The following ANKHD1 variants were observed in gnomAD, a reference collection of about 807,000 sequenced individuals.
The protein encoded by ANKHD1 is ankyrin repeat and KH domain-containing protein 1.
A neutral mutation model predicts 230.5 loss-of-function variants in ANKHD1; 31 were observed. The ratio of observed to expected loss-of-function variants is 0.13; its 90% confidence interval spans 0.10 to 0.18. The LOEUF (loss-of-function observed/expected upper bound fraction) is 0.18, where lower values mean the gene tolerates loss of function less well. Among genes scored for constraint, ANKHD1 ranks in the 10% least tolerant of loss-of-function variants. ANKHD1 has a pLI of 1.00. For synonymous variants in ANKHD1, 1,074 were observed against 1,117.6 expected, an observed-to-expected ratio of 0.96 and a Z score of 0.78; for missense variants, 2,256 against 3,071.3, an observed-to-expected ratio of 0.73 and a Z score of 6.27.
At chr5:140,513,065 A>G in intron 23 of ANKHD1, 142 bp downstream of exon 23, 3 of 779,890 alleles carry the variant, frequency 3.8e-6, no homozygotes, top group Non-Finnish European at 6.0e-6. Flanking sequence ...CATTTGCAAA[A>G]TAGAGGGGTA....
At chr5:140,465,930 A>G (rs181402623) in intron 10 of ANKHD1, among the ~76,000 whole-genome samples, 9 of 152,334 alleles carry the variant, frequency 5.9e-5, no homozygotes, top group Admixed American at 5.9e-4. Context: ...TATAAAAATT[A>G]GGAATTGAAG....
intron 5 of ANKHD1, among the ~76,000 whole-genome samples, chr5:140,444,698 T>C (rs1298553679): frequency 2.6e-5 from 4 of 152,196 alleles, no homozygotes; most frequent in Non-Finnish European, 5.9e-5. Flanking sequence ...TCATATACCA[T>C]AAAATTCACT....
chr5:140,432,511 T>C (rs1773124723), intron 1 of ANKHD1, among the ~76,000 whole-genome samples: 1 of 152,244 alleles, frequency 6.6e-6, no homozygotes, highest in Non-Finnish European at 1.5e-5. Context: ...TTGGCTGTTA[T>C]AAAGAATGCA....
In ANKHD1 at chr5:140,504,977, T is replaced by G. The variant is rs1329403305; in HGVS notation, c.3150+11T>G. ...GACATTGATGCACATGTGAGTAGATTGCTTTATTTAAACTTATTTTGCACA... is the reference window on the plus strand; with the variant it reads ...GACATTGATGCACATGTGAGTAGATGGCTTTATTTAAACTTATTTTGCACA... On this transcript the variant is annotated intron_variant, in intron 16 of 33. Transcript: ENST00000360839. The G allele has an allele frequency of 2.5e-6, 4 of 1,612,768 alleles. No homozygotes were observed. The Admixed American group carries it at 6.7e-5, about 27-fold the overall frequency.
At position 140,468,052 on chromosome 5, in the gene ANKHD1, C is replaced by CTTTTTTT. The variant is rs869172143; in HGVS notation, c.1782+3310_1782+3316dup. On this transcript the variant is annotated intron_variant, in intron 10 of 33. Transcript: ENST00000360839. ...AGTTTAAGGTTTAAGTGTACTAATT[C>CTTTTTTT]TTTTTTTTTTTTTTTTTTTTTTTTT... 1.2e-3 allele frequency among the ~76,000 whole-genome samples: 62 copies of CTTTTTTT among 52,412 alleles called. 10 individuals are homozygous for CTTTTTTT. Among genetic ancestry groups the CTTTTTTT allele is most frequent in the African/African-American group, 3.1e-3 (35 of 11,272 alleles). 34.4% of individuals were successfully genotyped at this position (52,412 alleles called of 152,430 possible).
intron 15 of ANKHD1, among the ~76,000 whole-genome samples, chr5:140,497,810 A>C (rs1752097133): frequency 6.6e-6 from 1 of 151,182 alleles, no homozygotes; most frequent in African/African-American, 2.4e-5. Context: ...AATGATTGTC[A>C]CTTGATGATT....
rs1304075315 is a variant in ANKHD1 at position 140,487,054 on chromosome 5, C to G, written c.2239C>G (p.Gln747Glu). The change falls in exon 14 of 34, where the codon CAA becomes GAA. Residue 747 changes from glutamine (Q) to glutamate (E), a missense_variant. This residue lies in a region of ANKHD1 where 358 missense variants were observed against 397.7 expected (regional missense o/e 0.90). Transcript: ENST00000360839. ...GAACTCTCCTGCCCTTTTAGGAGTG[C>G]AAAAAGGTTAGTTATTGAATTATTT... ...QENSPALLGV[Q>E]KGTSKQKSSS... 2 of 1,606,840 alleles carry G rather than the reference C, an allele frequency of 1.2e-6. No individual in the cohort carries two copies.
At chr5:140,535,587 A>G in intron 30 of ANKHD1, 49 bp downstream of exon 30, 3 of 1,519,782 alleles carry the variant, frequency 2.0e-6, no homozygotes, top group Non-Finnish European at 1.8e-6. Flanking sequence ...ATAAGTTATT[A>G]AATCATTTAT....
chr5:140,535,480 T>G lies in ANKHD1; in HGVS notation c.6969T>G (p.Thr2323=), dbSNP rs778441485. 1 of 1,613,228 alleles carries G rather than the reference T, an allele frequency of 6.2e-7. No homozygotes were observed. Among genetic ancestry groups the G allele is most frequent in the Non-Finnish European group, 8.5e-7 (1 of 1,179,694 alleles). ...VFLQGPAPVG[T]PSFNRQHFSP... ...TGCAAGGGCCAGCTCCTGTTGGGAC[T>G]CCTAGTTTCAACAGACAACATTTTT... The change falls in exon 30 of 34, where the codon ACT becomes ACG. Residue 2323 remains threonine, a synonymous_variant. Transcript: ENST00000360839.
intron 1 of ANKHD1, among the ~76,000 whole-genome samples, chr5:140,418,418 G>A (rs1429413480): frequency 2.0e-5 from 3 of 151,928 alleles, no homozygotes; most frequent in African/African-American, 7.3e-5. Flanking sequence ...AAAGTGTTGG[G>A]ATTACTGGTG....
rs182553384 is a variant in ANKHD1, at chr5:140,532,359, G to A, written c.6850+2563G>A. Among the ~76,000 whole-genome samples the A allele has an allele frequency of 1.5e-3, 236 of 152,312 alleles. 4 individuals carry two copies. In the Middle Eastern group the frequency reaches 0.017, roughly 11 times the overall value. ...ACATCCAGATTAGCAAATCCATAGA[G>A]ACAGAAAGTAGATTAGTGGTTACCT... On this transcript the variant is annotated intron_variant, in intron 29 of 33. Coordinates refer to ENST00000360839, the MANE Select transcript of ANKHD1 (RefSeq NM_017747.3).
chr5:140,522,388 G>C (rs1753391186), intron 24 of ANKHD1, among the ~76,000 whole-genome samples: 1 of 152,230 alleles, frequency 6.6e-6, no homozygotes, highest in African/African-American at 2.4e-5. Flanking sequence ...TCATTGGGTT[G>C]CTTCCACTTC....
chr5:140,497,010 G>A lies in ANKHD1; in HGVS notation c.2736G>A (p.Glu912=). ...ILFKDNDVDD[E]QQSPPSAEQI... ...TTAAAGATAATGATGTTGATGATGA[G>A]CAACAGTCTCCACCATCGGCAGAAC... The change falls in exon 15 of 34, where the codon GAG becomes GAA. Residue 912 remains glutamate, a synonymous_variant. Transcript: ENST00000360839. 6.2e-7 allele frequency: 1 copy of A among 1,614,180 alleles called. No homozygotes were observed. Among genetic ancestry groups the A allele is most frequent in the Non-Finnish European group, 8.5e-7 (1 of 1,180,006 alleles).
chr5:140,515,103 C>A (rs1047900016), intron 24 of ANKHD1, among the ~76,000 whole-genome samples: 1 of 151,984 alleles, frequency 6.6e-6, no homozygotes, highest in African/African-American at 2.4e-5. Context: ...CATGGAGAAA[C>A]CCCGTCTCTG....
intron 13 of ANKHD1, chr5:140,486,436 A>G (rs1190229140): frequency 6.6e-6 from 1 of 152,450 alleles, no homozygotes; most frequent in Non-Finnish European, 1.5e-5. Context: ...GTCAACCATG[A>G]AAGTATAGGT....
At chr5:140,464,999 T>C (rs1187725055) in intron 10 of ANKHD1, 1 of 278,802 alleles carries the variant, frequency 3.6e-6, no homozygotes, top group Non-Finnish European at 6.5e-6. Context: ...TACTAGTTTG[T>C]TTCTTCCTTT....
At chr5:140,475,333 A>G (rs992858421) in intron 10 of ANKHD1, among the ~76,000 whole-genome samples, 1 of 152,160 alleles carries the variant, frequency 6.6e-6, no homozygotes, top group Non-Finnish European at 1.5e-5. Context: ...AAAATACACA[A>G]TGGGGGCTGA....
At chr5:140,405,713 A>G (rs996370447) in intron 1 of ANKHD1, among the ~76,000 whole-genome samples, 14 of 151,880 alleles carry the variant, frequency 9.2e-5, no homozygotes, top group African/African-American at 3.1e-4. Context: ...GCTCACTGCA[A>G]CCTCCGCCTC....
intron 29 of ANKHD1, among the ~76,000 whole-genome samples, chr5:140,531,104 G>A (rs1053490724): frequency 3.3e-5 from 5 of 152,150 alleles, no homozygotes; most frequent in African/African-American, 1.2e-4. Context: ...ACTTTGAGAA[G>A]CCCCAGGGTG....
Sources: gnomAD v4.1 joint callset for allele counts (sites outside exome capture counted in the v4.1 genomes callset) on GRCh38, gnomAD v4.1.1 for gene constraint, gnomAD v4.1.1 regional missense constraint, MANE v1.5 for transcripts, NCBI Gene and HGNC (gene_info 2026-07-23, HGNC 2026-07-21) for gene names.